Variants in B4GALT4 observed in about 807,000 individuals in gnomAD.
B4GALT4 encodes the protein beta-1,4-galactosyltransferase 4.
Under a neutral mutation model 37.3 loss-of-function variants are expected in B4GALT4, and 27 were observed. The observed-to-expected ratio is 0.72, with a 90% CI of 0.53 to 1.00. The LOEUF (loss-of-function observed/expected upper bound fraction) is 1.00, where lower values mean the gene tolerates loss of function less well. Among genes scored for constraint, B4GALT4 ranks in the 50% least tolerant of loss-of-function variants. B4GALT4 has a pLI of 0.00. For missense variants in B4GALT4, 372 were observed against 413.1 expected (o/e 0.90, Z 0.86); for synonymous variants, 148 against 154.1 (o/e 0.96, Z 0.29).
chr3:119,221,758 C>T (rs2078457399), intron 5 of B4GALT4, among the ~76,000 whole-genome samples: 1 of 152,172 alleles, frequency 6.6e-6, no homozygotes, highest in African/African-American at 2.4e-5. Flanking sequence ...TAAAAGAGGG[C>T]CATGGATTTG....
chr3:119,231,072 C>T (rs1175539742), intron 2 of B4GALT4, among the ~76,000 whole-genome samples: 1 of 152,086 alleles, frequency 6.6e-6, no homozygotes, highest in Non-Finnish European at 1.5e-5. Context: ...AAAGTGTTAT[C>T]CCACCTTGAC....
intron 7 of B4GALT4, chr3:119,213,866 T>C (rs947395252): frequency 6.6e-6 from 1 of 152,044 alleles, no homozygotes; most frequent in Admixed American, 6.5e-5. Context: ...AAAATAGAAA[T>C]AGCTATTTTG....
chr3:119,240,462 G>C (rs1007744620), intron 1 of B4GALT4: 2 of 152,396 alleles, frequency 1.3e-5, no homozygotes, highest in African/African-American at 4.8e-5. Context: ...AGGGTTTCCA[G>C]GAAGAAGGGG....
At chr3:119,239,065 T>C (rs1452173490) in intron 1 of B4GALT4, among the ~76,000 whole-genome samples, 1 of 152,060 alleles carries the variant, frequency 6.6e-6, no homozygotes, top group African/African-American at 2.4e-5. Flanking sequence ...GGGCCCATGG[T>C]ACACATCTGT....
rs537108217 is a variant in B4GALT4 at position 119,238,171 on chromosome 3, G to A, written c.-363-1101C>T. Among the ~76,000 whole-genome samples the A allele has an allele frequency of 3.0e-3, 445 of 150,600 alleles. 3 individuals are homozygous for A. The highest frequency in any genetic ancestry group is 0.01 in the African/African-American group (424 of 41,078). ...AGTCCCAGCTACTTGGGAGGCTGAG[G>A]AAGGAGGATCACCTGAACCCGGGAG... is the stretch of plus-strand genomic sequence containing the variant. On this transcript the variant is annotated intron_variant, in intron 1 of 7. Transcript: ENST00000393765.
chr3:119,221,265 A>T (rs921097151), intron 5 of B4GALT4, among the ~76,000 whole-genome samples: 1 of 152,200 alleles, frequency 6.6e-6, no homozygotes, highest in Non-Finnish European at 1.5e-5. Flanking sequence ...TTCATCACTG[A>T]TCCCATAGGC....
chr3:119,216,398 G>A, intron 6 of B4GALT4, 54 bp from the exon 7 acceptor site: 4 of 1,442,422 alleles, frequency 2.8e-6, no homozygotes, highest in East Asian at 2.3e-5. Context: ...CTACCACTAG[G>A]CAAATAAAAA....
At chr3:119,224,760 T>G (rs1288688268) in intron 4 of B4GALT4, among the ~76,000 whole-genome samples, 1 of 152,140 alleles carries the variant, frequency 6.6e-6, no homozygotes, top group Non-Finnish European at 1.5e-5. Flanking sequence ...TACAAATAAC[T>G]CAAATAATCA....
At chr3:119,233,174 G>C (rs946159503) in intron 2 of B4GALT4, 1 of 152,242 alleles carries the variant, frequency 6.6e-6, no homozygotes, top group African/African-American at 2.4e-5. Context: ...GAATCGCCAA[G>C]TGGAAGGAGG....
At chr3:119,230,963 A>C (rs1349782256) in intron 2 of B4GALT4, among the ~76,000 whole-genome samples, 1 of 152,228 alleles carries the variant, frequency 6.6e-6, no homozygotes, top group African/African-American at 2.4e-5. Flanking sequence ...CCAGTCATTT[A>C]ACTAAGCCTC....
At chr3:119,212,996 T>C (rs941758998) in intron 7 of B4GALT4, 21 of 196,798 alleles carry the variant, frequency 1.1e-4, no homozygotes, top group Non-Finnish European at 3.1e-5. Flanking sequence ...CATTGCTAAC[T>C]GATCCTTGGC....
At position 119,212,639 on chromosome 3, in the gene B4GALT4, A is replaced by C. The variant is rs72655938; in HGVS notation, c.945T>G (p.Asp315Glu). 6.2e-7 allele frequency: 1 copy of C among 1,612,588 alleles called. No homozygotes were observed. The highest frequency in any genetic ancestry group is 8.5e-7 in the Non-Finnish European group (1 of 1,179,478). ...LHQVSRVWRTDGLSSCSYKLV... is the reference protein window; with the variant it reads ...LHQVSRVWRTEGLSSCSYKLV... ...ATTTATAAGAACAACTACTCAACCCATCTGTTCTCCAGACTCGTGACACTT... is the reference window on the plus strand; with the variant it reads ...ATTTATAAGAACAACTACTCAACCCCTCTGTTCTCCAGACTCGTGACACTT... The change falls in exon 8 of 8, where the codon GAT becomes GAG. Residue 315 changes from aspartate to glutamate, a missense_variant. By Grantham distance (45) the Asp-to-Glu change is conservative (BLOSUM62 2). Coordinates refer to ENST00000393765, the MANE Select transcript of B4GALT4 (RefSeq NM_003778.4).
intron 2 of B4GALT4, among the ~76,000 whole-genome samples, chr3:119,232,141 G>A (rs956316164): frequency 6.6e-6 from 1 of 152,100 alleles, no homozygotes; most frequent in African/African-American, 2.4e-5. Context: ...TAGATGAAAA[G>A]GGAGGTTAGT....
At chr3:119,234,117 T>G (rs2078909396) in intron 2 of B4GALT4, among the ~76,000 whole-genome samples, 1 of 129,566 alleles carries the variant, frequency 7.7e-6, no homozygotes, top group South Asian at 2.2e-4. Context: ...AGGACACAAG[T>G]TTTTTTTTTT....
chr3:119,226,522 C>A (rs114902823), intron 4 of B4GALT4: 1 of 416,854 alleles, frequency 2.4e-6, no homozygotes, highest in Non-Finnish European at 4.4e-6. Flanking sequence ...AGGAAGCCTC[C>A]GGGGAAATCT....
At chr3:119,213,823 G>A (rs1302665815) in intron 7 of B4GALT4, 8 of 152,156 alleles carry the variant, frequency 5.3e-5, no homozygotes, top group Admixed American at 5.2e-4. Context: ...AGAGAAAAAT[G>A]CATACCTATG....
At chr3:119,217,831 A>G (rs2078334435) in intron 6 of B4GALT4, among the ~76,000 whole-genome samples, 1 of 123,550 alleles carries the variant, frequency 8.1e-6, no homozygotes, top group Non-Finnish European at 1.6e-5. Context: ...TGACAGAGCG[A>G]GACTTTGTCT....
At chr3:119,216,191 A>G in intron 7 of B4GALT4, 49 bp downstream of exon 7, 2 of 1,415,284 alleles carry the variant, frequency 1.4e-6, no homozygotes, top group South Asian at 2.6e-5. Context: ...CCTTATTGAC[A>G]GAACAGACTA....
At chr3:119,229,238 G>A (rs2078731594) in intron 3 of B4GALT4, among the ~76,000 whole-genome samples, 1 of 152,148 alleles carries the variant, frequency 6.6e-6, no homozygotes, top group African/African-American at 2.4e-5. Context: ...ACCCAGGCTA[G>A]CCCACTAGTT....
Sources: gnomAD v4.1 joint callset for allele counts (sites outside exome capture counted in the v4.1 genomes callset) on GRCh38, gnomAD v4.1.1 for gene constraint, MANE v1.5 for transcripts, NCBI Gene and HGNC (gene_info 2026-07-23, HGNC 2026-07-21) for gene names.